Variants in NEK5 observed in about 807,000 individuals in gnomAD.
NEK5 encodes NIMA related kinase 5, also known as serine/threonine-protein kinase Nek5.
In NEK5, 88 loss-of-function variants were observed where a neutral mutation model predicts 109.2. The ratio of observed to expected loss-of-function variants is 0.81; its 90% CI spans 0.68 to 0.96. The LOEUF (loss-of-function observed/expected upper bound fraction) is 0.96. Among genes scored for constraint, NEK5 ranks in the 40% least tolerant of loss-of-function variants. The pLI is 0.00. For synonymous variants in NEK5, 283 were observed against 299.9 expected (o/e 0.94, Z 0.58); for missense variants, 834 against 920.7 (o/e 0.91, Z 1.22).
chr13:52,067,253 T>C (rs1301690000), intron 20 of NEK5, among the ~76,000 whole-genome samples: 1 of 152,146 alleles, frequency 6.6e-6, no homozygotes, highest in East Asian at 1.9e-4. Flanking sequence ...AAAAAAATCC[T>C]ACTGTGGTTT....
chr13:52,079,349 AGCCGAAGCTGGACTGTACT>A (rs1473110883), intron 17 of NEK5, among the ~76,000 whole-genome samples: 1 of 132,280 alleles, frequency 7.6e-6, no homozygotes, highest in Non-Finnish European at 1.5e-5. Context: ...TCTGATGCCG[AGCCGAAGCTGGACTGTACT>A]GCTGCCATCT....
intron 23 of NEK5, among the ~76,000 whole-genome samples, chr13:52,042,373 T>C (rs146869647): frequency 0.021 from 3,224 of 150,414 alleles, 57 homozygotes; most frequent in Middle Eastern, 0.067. Context: ...TATGTATATA[T>C]TAATACATAT....
intron 5 of NEK5, among the ~76,000 whole-genome samples, 163 bp downstream of exon 5, chr13:52,112,105 G>A (rs939764123): frequency 2.0e-5 from 3 of 151,950 alleles, no homozygotes; most frequent in Non-Finnish European, 2.9e-5. Flanking sequence ...AACTTGTTCT[G>A]GACTGAATCT....
intron 13 of NEK5, among the ~76,000 whole-genome samples, chr13:52,089,975 A>AAAAAG (rs369646196): frequency 6.6e-6 from 1 of 152,158 alleles, no homozygotes; most frequent in Non-Finnish European, 1.5e-5. Context: ...AAAAAAAGAA[A>AAAAAG]AAAAGAAAAG....
At chr13:52,062,149 T>G (rs1954618864) in intron 21 of NEK5, 196 bp from the exon 22 acceptor site, 1 of 152,230 alleles carries the variant, frequency 6.6e-6, no homozygotes, top group South Asian at 2.1e-4. Context: ...CTTTGTAAAC[T>G]GGCCATTTTG....
intron 20 of NEK5, among the ~76,000 whole-genome samples, chr13:52,068,879 G>C (rs374419351): frequency 6.6e-5 from 10 of 151,874 alleles, no homozygotes; most frequent in African/African-American, 2.4e-4. Flanking sequence ...GCTGAGGCAG[G>C]AGAATCGCTT....
chr13:52,081,957 A>G (rs1955021159), intron 17 of NEK5, among the ~76,000 whole-genome samples: 2 of 152,164 alleles, frequency 1.3e-5, no homozygotes, highest in African/African-American at 4.8e-5. Context: ...TTTCTAGTTG[A>G]CTCTGGACCA....
chr13:52,098,432 T>TC (rs35810520), intron 12 of NEK5, among the ~76,000 whole-genome samples: 82,041 of 151,914 alleles, frequency 0.54, 23,867 homozygotes, highest in Non-Finnish European at 0.66. Flanking sequence ...CAAATGGTTC[T>TC]TAATTTAACC....
chr13:52,117,279 C>T (rs77774647), intron 4 of NEK5, among the ~76,000 whole-genome samples: 6,217 of 152,106 alleles, frequency 0.041, 190 homozygotes, highest in Middle Eastern at 0.065. Context: ...CAGAGATAAG[C>T]GATTTGAGGG....
At chr13:52,086,877 G>A (rs933215012) in intron 15 of NEK5, among the ~76,000 whole-genome samples, 15 of 152,164 alleles carry the variant, frequency 9.9e-5, no homozygotes, top group Admixed American at 3.9e-4. Flanking sequence ...GGAGTGATGC[G>A]ACTGCAAGTA....
intron 22 of NEK5, among the ~76,000 whole-genome samples, chr13:52,053,492 A>C (rs141073935): frequency 2.5e-3 from 377 of 152,138 alleles, no homozygotes; most frequent in Non-Finnish European, 3.7e-3. Context: ...TTAGTAATGA[A>C]ATAAAAATCT....
intron 17 of NEK5, among the ~76,000 whole-genome samples, chr13:52,078,808 C>A (rs566041144): frequency 1.3e-5 from 2 of 152,274 alleles, no homozygotes; most frequent in South Asian, 4.1e-4. Context: ...GTCCCACCCA[C>A]TGGAGTAGAT....
At chr13:52,105,055 T>A (rs1955622590) in intron 8 of NEK5, among the ~76,000 whole-genome samples, 2 of 152,358 alleles carry the variant, frequency 1.3e-5, no homozygotes, top group South Asian at 4.1e-4. Context: ...TCCTTACAGA[T>A]TTAGTACTTC....
Position 52,127,672 on chromosome 13 carries a change from G to C in NEK5, c.-90-10C>G. 1.9e-6 allele frequency: 1 copy of C among 533,158 alleles called. No individual in the cohort carries two copies. The highest frequency in any genetic ancestry group is 2.6e-5 in the South Asian group (1 of 38,962). The allele number at this position is 533,158 out of a possible 1,614,324, so 33.0% of individuals were successfully genotyped here. A position where few individuals can be genotyped will look rare whatever the true frequency, so the allele number is the denominator to read the frequency against. ...TTGTGGCCACAGATAACTGAAATGAGACAGAGTTTCTTGGTCAGACACGGG... is the reference window on the plus strand; with the variant it reads ...TTGTGGCCACAGATAACTGAAATGACACAGAGTTTCTTGGTCAGACACGGG... On this transcript the variant is annotated splice_polypyrimidine_tract_variant and intron_variant, in intron 1 of 23. Transcript: ENST00000684899.
chr13:52,073,410 G>A (rs1319570832), intron 19 of NEK5, among the ~76,000 whole-genome samples: 1 of 151,518 alleles, frequency 6.6e-6, no homozygotes, highest in Non-Finnish European at 1.5e-5. Context: ...CTGCCTCCTG[G>A]GTTCAAGTGA....
intron 22 of NEK5, among the ~76,000 whole-genome samples, chr13:52,053,768 C>G (rs1212143344): frequency 6.6e-6 from 1 of 152,186 alleles, no homozygotes; most frequent in Non-Finnish European, 1.5e-5. Context: ...CCCTCCATAC[C>G]AAACATCCTC....
In NEK5 at chr13:52,037,118, T is replaced by C; in HGVS notation, c.2329A>G (p.Ser777Gly). 1 of 985,376 alleles carries C rather than the reference T, an allele frequency of 1.0e-6. No individual in the cohort carries two copies. Among genetic ancestry groups the C allele is most frequent in the Non-Finnish European group, 1.2e-6 (1 of 829,866 alleles). The allele number at this position is 985,376 out of a possible 1,614,324, so 61.0% of individuals were successfully genotyped here. A position where few individuals can be genotyped will look rare whatever the true frequency, so the allele number is the denominator to read the frequency against. The change falls in exon 24 of 24, where the codon AGT becomes GGT. Residue 777 changes from serine to glycine, a missense_variant. This residue lies in a region of NEK5 where 57 missense variants were observed against 96.0 expected (regional missense o/e 0.59). Coordinates refer to ENST00000684899, the MANE Select transcript of NEK5 (RefSeq NM_001365552.1). Reference sequence around the variant, plus strand: ...GACTTTCTAGAGTCCTTAGAGGTACTGGAGGCCTCTTCTGTTTTTTCTTCC... The same window carrying C: ...GACTTTCTAGAGTCCTTAGAGGTACCGGAGGCCTCTTCTGTTTTTTCTTCC... Reference protein sequence around the residue: ...KGEEKTEEASSTSKDSRKSRE... With the variant: ...KGEEKTEEASGTSKDSRKSRE...
intron 8 of NEK5, among the ~76,000 whole-genome samples, chr13:52,105,472 G>T (rs1955634492): frequency 6.6e-6 from 1 of 151,882 alleles, no homozygotes; most frequent in African/African-American, 2.4e-5. Flanking sequence ...TCCCTTCTTG[G>T]CCTCCCAAAG....
chr13:52,047,127 T>TGACAACACACTGAGCAAGAGAACA lies in NEK5; in HGVS notation c.2228+2976_2228+2977insTGTTCTCTTGCTCAGTGTGTTGTC, dbSNP rs548744326. On this transcript the variant is annotated intron_variant, in intron 23 of 23. Transcript: ENST00000684899. ...AGCAAGAGAATGGGGAAATAGGCAC[T>TGACAACACACTGAGCAAGAGAACA]TCTAGATACTGATGTTAATAGGTGT... is the stretch of plus-strand genomic sequence containing the variant. Among the ~76,000 whole-genome samples the TGACAACACACTGAGCAAGAGAACA allele has an allele frequency of 3.9e-3, 594 of 152,296 alleles. 4 individuals are homozygous for TGACAACACACTGAGCAAGAGAACA. Among genetic ancestry groups the TGACAACACACTGAGCAAGAGAACA allele is most frequent in the African/African-American group, 0.013 (551 of 41,562 alleles).
Sources: gnomAD v4.1 joint callset for allele counts (sites outside exome capture counted in the v4.1 genomes callset) on GRCh38, gnomAD v4.1.1 for gene constraint, gnomAD v4.1.1 regional missense constraint, MANE v1.5 for transcripts, NCBI Gene and HGNC (gene_info 2026-07-23, HGNC 2026-07-21) for gene names.